TBC1D21: variants seen among roughly 807,000 people sequenced by gnomAD.
TBC1D21 encodes the protein TBC1 domain family member 21.
In TBC1D21, 38 loss-of-function variants were observed where a neutral mutation model predicts 46.0. That is an observed-to-expected ratio of 0.83 (90% CI 0.64 to 1.08). TBC1D21 has a LOEUF of 1.08. Among genes scored for constraint, TBC1D21 ranks in the 50% least tolerant of loss-of-function variants. The pLI, the probability that TBC1D21 is intolerant of heterozygous loss-of-function variation, is 0.00. For synonymous variants in TBC1D21, 151 were observed against 157.2 expected, an observed-to-expected ratio of 0.96 and a Z score of 0.29; for missense variants, 415 against 417.9, an observed-to-expected ratio of 0.99 and a Z score of 0.06.
chr15:73,873,978 C>T (rs887805396), intron 1 of TBC1D21, among the ~76,000 whole-genome samples: 2 of 152,224 alleles, frequency 1.3e-5, no homozygotes, highest in Admixed American at 6.5e-5. Context: ...GCCAGCAAAA[C>T]CTTCTCCACA....
the TBC1D21 span, among the ~76,000 whole-genome samples, chr15:73,909,164 C>T: frequency 6.6e-6 from 1 of 152,126 alleles, no homozygotes; most frequent in Admixed American, 6.5e-5. Context: ...TTGAGGTCAG[C>T]AGTTCGAGAC....
At chr15:73,895,382 C>T in the TBC1D21 span, among the ~76,000 whole-genome samples, 1 of 152,178 alleles carries the variant, frequency 6.6e-6, no homozygotes. Context: ...CCTTCCTGGA[C>T]CACACCAATG....
chr15:73,904,377 G>A, the TBC1D21 span, among the ~76,000 whole-genome samples: 1 of 152,326 alleles, frequency 6.6e-6, no homozygotes, highest in Non-Finnish European at 1.5e-5. Context: ...GCTTGCACTG[G>A]CTCAAAAGAA....
At chr15:73,884,535 G>A (rs1391078688) in intron 4 of TBC1D21, among the ~76,000 whole-genome samples, 2 of 152,192 alleles carry the variant, frequency 1.3e-5, no homozygotes, top group Admixed American at 6.5e-5. Flanking sequence ...GGACAGAGAG[G>A]AAGGGTGGGG....
At chr15:73,903,107 C>T in the TBC1D21 span, among the ~76,000 whole-genome samples, 1 of 152,206 alleles carries the variant, frequency 6.6e-6, no homozygotes. Flanking sequence ...CTCTCTTATT[C>T]TCCCTGTAAC....
chr15:73,889,811 T>G (rs1460012583), downstream of TBC1D21, among the ~76,000 whole-genome samples: 1 of 152,246 alleles, frequency 6.6e-6, no homozygotes, highest in East Asian at 1.9e-4. Context: ...GGCCAGGCAG[T>G]CAGTTGCTCT....
At chr15:73,898,894 TATATATATAC>T in the TBC1D21 span, among the ~76,000 whole-genome samples, 3 of 125,946 alleles carry the variant, frequency 2.4e-5, no homozygotes, top group African/African-American at 8.5e-5. Flanking sequence ...TATATATATA[TATATATATAC>T]ACACACACTC....
rs774013566 is a variant in TBC1D21 at position 73,881,461 on chromosome 15, C to G, written c.123C>G (p.His41Gln). Residue 41 changes from histidine (H) to glutamine (Q), a missense_variant, in exon 2 of 11, where the codon CAC becomes CAG. Transcript: ENST00000300504. ...ACAGCTTCTTTGATGAGAGTGGCCA[C>G]TTGGCCAAATCACGGGACTTCATTT... is the stretch of plus-strand genomic sequence containing the variant. The part of the protein sequence containing the change: ...EWDSFFDESG[H>Q]LAKSRDFICV... 5 of 1,614,208 alleles carry G rather than the reference C, an allele frequency of 3.1e-6. No individual in the cohort carries two copies. The highest frequency in any genetic ancestry group is 1.6e-4 in the Middle Eastern group (1 of 6,062).
chr15:73,901,203 C>G, the TBC1D21 span, among the ~76,000 whole-genome samples: 4 of 152,208 alleles, frequency 2.6e-5, no homozygotes, highest in East Asian at 5.8e-4. Flanking sequence ...GAGTCCCTCT[C>G]CATGAACTGC....
At chr15:73,885,965 C>A (rs992034762) in intron 6 of TBC1D21, 113 bp from the exon 7 acceptor site, 7 of 781,102 alleles carry the variant, frequency 9.0e-6, no homozygotes, top group South Asian at 8.2e-5. Context: ...ATGGGCCCAG[C>A]GCACAGACAG....
At chr15:73,907,606 A>C in the TBC1D21 span, among the ~76,000 whole-genome samples, 1 of 152,164 alleles carries the variant, frequency 6.6e-6, no homozygotes, top group African/African-American at 2.4e-5. Context: ...GCTGAATAAG[A>C]ACTTGCTTCT....
At chr15:73,889,035 A>G (rs1330234239) in intron 10 of TBC1D21, 34 bp from the exon 11 acceptor site, 1 of 1,611,476 alleles carries the variant, frequency 6.2e-7, no homozygotes, top group Non-Finnish European at 8.5e-7. Context: ...GGACAGACCA[A>G]TGTCTGTGCA....
chr15:73,886,298 C>G, intron 7 of TBC1D21, 124 bp downstream of exon 7: 3 of 952,476 alleles, frequency 3.1e-6, no homozygotes, highest in Non-Finnish European at 4.8e-6. Context: ...GATTGCTTCT[C>G]CAGGCCCTGG....
At chr15:73,875,184 G>T (rs1288316426) in intron 1 of TBC1D21, among the ~76,000 whole-genome samples, 1 of 151,448 alleles carries the variant, frequency 6.6e-6, no homozygotes, top group Non-Finnish European at 1.5e-5. Flanking sequence ...GGGAGGTGGA[G>T]GTTGCAGTGA....
chr15:73,876,225 T>TTTTTTTTTTTTTTTTTTTTTTTGTTTG (rs2068063835), intron 1 of TBC1D21, among the ~76,000 whole-genome samples: 1 of 59,008 alleles, frequency 1.7e-5, no homozygotes, highest in Non-Finnish European at 3.1e-5. Context: ...TTTTTTTTTT[T>TTTTTTTTTTTTTTTTTTTTTTTGTTTG]TTTTTTTTTT....
Position 73,887,642 on chromosome 15 carries a change from G to T in TBC1D21, c.800G>T (p.Cys267Phe), listed in dbSNP as rs755910405. ...CAGGTTCTGCTGACGGGGAAGCCCT[G>T]CAGGAACTTCCAGGTGCTGGTGGCC... ...LWEVLLTGKP[C>F]RNFQVLVAYS... Residue 267 changes from cysteine (C) to phenylalanine (F), a missense_variant, in exon 9 of 11, where the codon TGC (cysteine) becomes TTC (phenylalanine). By Grantham distance (205) the Cys-to-Phe change is radical. Coordinates refer to ENST00000300504, the MANE Select transcript of TBC1D21 (RefSeq NM_153356.3). 6.2e-7 allele frequency: 1 copy of T among 1,614,052 alleles called. No homozygotes were observed. Among genetic ancestry groups the T allele is most frequent in the Admixed American group, 1.7e-5 (1 of 60,016 alleles).
chr15:73,885,676 C>T (rs1440292544), intron 6 of TBC1D21, among the ~76,000 whole-genome samples: 1 of 151,998 alleles, frequency 6.6e-6, no homozygotes, highest in Non-Finnish European at 1.5e-5. Flanking sequence ...TCCCTCCACC[C>T]CACCATCCCT....
the TBC1D21 span, among the ~76,000 whole-genome samples, chr15:73,898,863 C>CAAAAAAAA: frequency 5.4e-3 from 130 of 24,102 alleles, 16 homozygotes; most frequent in Non-Finnish European, 9.0e-3. Context: ...GACTCCATCT[C>CAAAAAAAA]AAAAAAAAAA....
chr15:73,873,700 A>G lies in TBC1D21; in HGVS notation c.-10A>G. On this transcript the variant is annotated 5_prime_UTR_variant, in exon 1 of 11. Transcript: ENST00000300504. ...TCTGATCAGAGGCTGTTCGGAAGAC[A>G]GCAGGGGCCATGACCACCCTCTCTC... is the stretch of plus-strand genomic sequence containing the variant. The G allele has an allele frequency of 6.2e-7, 1 of 1,603,064 alleles. No individual in the cohort carries two copies. The highest frequency in any genetic ancestry group is 1.1e-5 in the South Asian group (1 of 89,240).
Sources: allele counts gnomAD v4.1 joint callset (sites outside exome capture counted in the v4.1 genomes callset), GRCh38; gene constraint gnomAD v4.1.1; transcripts MANE v1.5; gene names NCBI Gene and HGNC (gene_info 2026-07-23, HGNC 2026-07-21).